Variants in NR6A1 observed in about 807,000 individuals in gnomAD.
NR6A1 encodes the protein retinoic acid receptor-related testis-associated receptor.
Under a neutral mutation model 59.1 loss-of-function variants are expected in NR6A1, and 7 were observed. The ratio of observed to expected loss-of-function variants is 0.12; its 90% CI spans 0.07 to 0.22. The LOEUF is 0.22. Ranked by LOEUF, NR6A1 falls within the 10% of genes least tolerant of loss-of-function variation. The pLI is 1.00. For synonymous variants in NR6A1, 243 were observed against 236.1 expected, an observed-to-expected ratio of 1.03 and a Z score of -0.27; for missense variants, 468 against 611.6, an observed-to-expected ratio of 0.77 and a Z score of 2.48.
intron 2 of NR6A1, among the ~76,000 whole-genome samples, chr9:124,590,777 C>T (rs1835094951): frequency 1.3e-5 from 2 of 152,184 alleles, no homozygotes; most frequent in African/African-American, 2.4e-5. Flanking sequence ...TGAGAAAGGG[C>T]TATCAAACAT....
At chr9:124,666,458 T>C (rs1564226716) in intron 2 of NR6A1, among the ~76,000 whole-genome samples, 1 of 152,094 alleles carries the variant, frequency 6.6e-6, no homozygotes, top group Non-Finnish European at 1.5e-5. Flanking sequence ...TGTGTATTTT[T>C]TGTAGAAACA....
At chr9:124,755,574 AC>A (rs1162338706) in intron 1 of NR6A1, among the ~76,000 whole-genome samples, 1 of 152,190 alleles carries the variant, frequency 6.6e-6, no homozygotes, top group Non-Finnish European at 1.5e-5. Flanking sequence ...ACCTACTGAC[AC>A]ATAAAACCTA....
At chr9:124,767,950 G>C (rs1840986033) in intron 1 of NR6A1, among the ~76,000 whole-genome samples, 1 of 152,046 alleles carries the variant, frequency 6.6e-6, no homozygotes. Flanking sequence ...ATCTTCCTTT[G>C]AAATCCCAAA....
At chr9:124,633,352 G>A (rs1044650611) in intron 2 of NR6A1, among the ~76,000 whole-genome samples, 4 of 144,696 alleles carry the variant, frequency 2.8e-5, no homozygotes, top group Admixed American at 1.4e-4. Context: ...GCAGTGAGTC[G>A]AGATCGCGCC....
intron 2 of NR6A1, among the ~76,000 whole-genome samples, chr9:124,671,262 C>T (rs1837786385): frequency 6.6e-6 from 1 of 152,022 alleles, no homozygotes; most frequent in South Asian, 2.1e-4. Context: ...AGTCTTAATC[C>T]ACAACTTTTT....
At chr9:124,688,822 A>T (rs529639161) in intron 2 of NR6A1, among the ~76,000 whole-genome samples, 5 of 152,226 alleles carry the variant, frequency 3.3e-5, no homozygotes, top group Non-Finnish European at 7.3e-5. Flanking sequence ...GTTTATGTAC[A>T]TGTATTTAGG....
At chr9:124,756,791 G>C (rs1564269591) in intron 1 of NR6A1, among the ~76,000 whole-genome samples, 2 of 152,298 alleles carry the variant, frequency 1.3e-5, no homozygotes. Flanking sequence ...AATTGTATTA[G>C]AAGACACACG....
chr9:124,657,984 G>A (rs1588751133), intron 2 of NR6A1, among the ~76,000 whole-genome samples: 1 of 152,088 alleles, frequency 6.6e-6, no homozygotes, highest in African/African-American at 2.4e-5. Flanking sequence ...AAGACCAAGG[G>A]TTGGTCTGGA....
intron 2 of NR6A1, among the ~76,000 whole-genome samples, chr9:124,714,871 A>G (rs952512099): frequency 1.3e-5 from 2 of 152,178 alleles, no homozygotes; most frequent in African/African-American, 4.8e-5. Context: ...GATGACCTAA[A>G]TAAGGAGAAA....
intron 5 of NR6A1, 28 bp downstream of exon 5, chr9:124,540,005 A>ATC (rs760503680): frequency 6.4e-7 from 1 of 1,573,406 alleles, no homozygotes; most frequent in African/African-American, 1.4e-5. Context: ...TCCCTAGATG[A>ATC]TGACCATGGG....
At chr9:124,567,279 G>A (rs1485498795) in intron 2 of NR6A1, among the ~76,000 whole-genome samples, 1 of 152,072 alleles carries the variant, frequency 6.6e-6, no homozygotes, top group Admixed American at 6.6e-5. Flanking sequence ...CCAAGGGGTG[G>A]GGGTTAGGGG....
intron 2 of NR6A1, among the ~76,000 whole-genome samples, chr9:124,726,009 A>G (rs1839706485): frequency 6.6e-6 from 1 of 152,208 alleles, no homozygotes; most frequent in Non-Finnish European, 1.5e-5. Flanking sequence ...TTTTAACAGA[A>G]ATGAACTTTT....
At chr9:124,731,729 T>C (rs1471791687) in intron 2 of NR6A1, among the ~76,000 whole-genome samples, 2 of 152,250 alleles carry the variant, frequency 1.3e-5, no homozygotes, top group Non-Finnish European at 2.9e-5. Context: ...ATGACTTTCT[T>C]AACAACATGT....
At chr9:124,534,779 T>C (rs1564167434) in intron 7 of NR6A1, among the ~76,000 whole-genome samples, 2 of 152,136 alleles carry the variant, frequency 1.3e-5, no homozygotes, top group African/African-American at 4.8e-5. Context: ...ATCTATAAAA[T>C]AGGCACAACA....
At chr9:124,652,604 G>C (rs1243605244) in intron 2 of NR6A1, among the ~76,000 whole-genome samples, 2 of 152,124 alleles carry the variant, frequency 1.3e-5, no homozygotes, top group Non-Finnish European at 2.9e-5. Flanking sequence ...AAGAAAAAGG[G>C]ACATCATTCC....
chr9:124,742,993 C>G (rs537050855), intron 1 of NR6A1, among the ~76,000 whole-genome samples: 1 of 152,178 alleles, frequency 6.6e-6, no homozygotes, highest in South Asian at 2.1e-4. Context: ...TTTGGGGGGG[C>G]CCTTCCTCCA....
In NR6A1 at chr9:124,520,967, A is replaced by G. The variant is rs924613395; in HGVS notation, c.*1738T>C. The G allele has an allele frequency of 1.3e-5, 2 of 152,246 alleles. No individual in the cohort carries two copies. The highest frequency in any genetic ancestry group is 6.5e-5 in the Admixed American group (1 of 15,288). 9.4% of individuals were successfully genotyped at this position (152,246 alleles called of 1,614,324 possible). A position where few individuals can be genotyped will look rare whatever the true frequency, so the allele number is the denominator to read the frequency against. On this transcript the variant is annotated 3_prime_UTR_variant, in exon 10 of 10. Coordinates refer to ENST00000487099, the MANE Select transcript of NR6A1 (RefSeq NM_033334.4). ...CTGGTACCCGTAACATTTCACCAGA[A>G]AGAAACAATTACAATCAGACATGGA...
At chr9:124,744,355 G>C (rs1840262522) in intron 1 of NR6A1, among the ~76,000 whole-genome samples, 1 of 152,088 alleles carries the variant, frequency 6.6e-6, no homozygotes, top group Non-Finnish European at 1.5e-5. Flanking sequence ...TATAAACCAG[G>C]CATCAGCTTG....
chr9:124,540,915 T>C lies in NR6A1; in HGVS notation c.442-728A>G, dbSNP rs1410516138. 3.9e-5 allele frequency among the ~76,000 whole-genome samples: 6 copies of C among 152,164 alleles called. No individual in the cohort carries two copies. In the East Asian group the frequency reaches 1.2e-3, roughly 29 times the overall value. ...AACAAATAGTGCTGGGAAAACTACA[T>C]CCACATGCCCCGCCCCCAGCCCCCA... On this transcript the variant is annotated intron_variant, in intron 4 of 9. Transcript: ENST00000487099.
Sources: gnomAD v4.1 joint callset for allele counts (sites outside exome capture counted in the v4.1 genomes callset) on GRCh38, gnomAD v4.1.1 for gene constraint, MANE v1.5 for transcripts, NCBI Gene and HGNC (gene_info 2026-07-23, HGNC 2026-07-21) for gene names.